The following MYO3B variants were observed in gnomAD, a reference collection of about 807,000 sequenced individuals.
MYO3B encodes myosin-IIIb.
A neutral mutation model predicts 174.6 loss-of-function variants in MYO3B; 156 were observed. The ratio of observed to expected loss-of-function variants is 0.89; its 90% CI spans 0.78 to 1.02. The LOEUF (loss-of-function observed/expected upper bound fraction) is 1.02, where lower values mean the gene tolerates loss of function less well. MYO3B is among the 50% of genes least tolerant of loss of function. The pLI is 0.00. For synonymous variants in MYO3B, 563 were observed against 569.1 expected (o/e 0.99, Z 0.15); for missense variants, 1,632 against 1,639.4 (o/e 1.00, Z 0.08).
At chr2:170,349,506 A>T (rs2094043959) in intron 8 of MYO3B, 1 of 152,162 alleles carries the variant, frequency 6.6e-6, no homozygotes. Flanking sequence ...TCTTAAAATT[A>T]TGCACCTCAT....
Position 170,402,848 on chromosome 2 carries a change from T to C in MYO3B, c.2130T>C (p.Cys710=). The change falls in exon 19 of 35, where the codon TGT becomes TGC. Residue 710 remains cysteine (C), a splice_region_variant and synonymous_variant. Coordinates refer to ENST00000408978, the MANE Select transcript of MYO3B (RefSeq NM_138995.5). ...NTLLQPDENI[C]SAGGGMNVGI... ...AGTTTTGTTCTTCTCTCTCATGCAGTAGTGCAGGAGGTGGAATGAATGTGG... is the reference window on the plus strand; with the variant it reads ...AGTTTTGTTCTTCTCTCTCATGCAGCAGTGCAGGAGGTGGAATGAATGTGG... 6.2e-7 allele frequency: 1 copy of C among 1,604,726 alleles called. No homozygotes were observed. The highest frequency in any genetic ancestry group is 8.5e-7 in the Non-Finnish European group (1 of 1,173,264).
chr2:170,602,301 T>C, intron 32 of MYO3B: 1 of 719,648 alleles, frequency 1.4e-6, no homozygotes, highest in East Asian at 2.4e-5. Flanking sequence ...CCCGGCACTG[T>C]CTCTGTGGAG....
intron 12 of MYO3B, 45 bp downstream of exon 12, chr2:170,383,859 ATGTTG>A: frequency 1.4e-6 from 2 of 1,474,076 alleles, no homozygotes; most frequent in Non-Finnish European, 1.9e-6. Context: ...CAGTTAAGAC[ATGTTG>A]TGTCTTCCTC....
At chr2:170,254,224 T>A (rs968618699) in intron 7 of MYO3B, among the ~76,000 whole-genome samples, 1 of 152,004 alleles carries the variant, frequency 6.6e-6, no homozygotes, top group Non-Finnish European at 1.5e-5. Flanking sequence ...CCTATAGACA[T>A]TTAGATGGGC....
intron 22 of MYO3B, among the ~76,000 whole-genome samples, chr2:170,425,139 AAC>A (rs1366611256): frequency 6.6e-6 from 1 of 152,212 alleles, no homozygotes; most frequent in African/African-American, 2.4e-5. Flanking sequence ...ATACATTAGA[AAC>A]AAAGCCATTC....
chr2:170,640,513 G>A (rs898442202), intron 32 of MYO3B: 3 of 152,138 alleles, frequency 2.0e-5, no homozygotes, highest in Non-Finnish European at 2.9e-5. Flanking sequence ...TGTGGGACAT[G>A]GGCCACTAGT....
intron 3 of MYO3B, among the ~76,000 whole-genome samples, chr2:170,207,190 G>C (rs2092721856): frequency 6.6e-6 from 1 of 152,038 alleles, no homozygotes; most frequent in South Asian, 2.1e-4. Context: ...CCCTCCCAGA[G>C]GGAGCATCCT....
intron 32 of MYO3B, among the ~76,000 whole-genome samples, chr2:170,629,089 T>C (rs1696713289): frequency 6.6e-6 from 1 of 152,232 alleles, no homozygotes; most frequent in Non-Finnish European, 1.5e-5. Flanking sequence ...CTTGTCTGTT[T>C]TTAAACAAAC....
At chr2:170,590,319 ATCTT>A (rs1302964193) in intron 32 of MYO3B, among the ~76,000 whole-genome samples, 3 of 152,152 alleles carry the variant, frequency 2.0e-5, no homozygotes, top group Non-Finnish European at 4.4e-5. Context: ...CAAAAGTTCT[ATCTT>A]AACTTTTCTC....
chr2:170,541,725 A>G (rs186796974), intron 30 of MYO3B, among the ~76,000 whole-genome samples: 16 of 152,238 alleles, frequency 1.1e-4, no homozygotes, highest in Admixed American at 1.0e-3. Context: ...TTTTCTATGT[A>G]CCAGGCACTG....
chr2:170,396,140 T>C (rs2094441069), intron 16 of MYO3B, among the ~76,000 whole-genome samples: 1 of 152,056 alleles, frequency 6.6e-6, no homozygotes, highest in Non-Finnish European at 1.5e-5. Flanking sequence ...CTTTATAATA[T>C]AGAAAGCTGA....
At chr2:170,201,710 C>A (rs528024402) in intron 3 of MYO3B, among the ~76,000 whole-genome samples, 1 of 150,682 alleles carries the variant, frequency 6.6e-6, no homozygotes, top group Admixed American at 6.6e-5. Flanking sequence ...ATTAACTCCC[C>A]CACCCCCACC....
chr2:170,582,779 G>A (rs1197896050), intron 32 of MYO3B, among the ~76,000 whole-genome samples: 1 of 152,052 alleles, frequency 6.6e-6, no homozygotes, highest in African/African-American at 2.4e-5. Flanking sequence ...CTTTTGTTAA[G>A]AAAAAAATCG....
chr2:170,505,539 A>G (rs1687572197), intron 28 of MYO3B, among the ~76,000 whole-genome samples: 1 of 152,206 alleles, frequency 6.6e-6, no homozygotes, highest in South Asian at 2.1e-4. Context: ...TGTTTCAGAA[A>G]TTGGACCTAA....
At chr2:170,264,207 A>G (rs1460137398) in intron 7 of MYO3B, among the ~76,000 whole-genome samples, 2 of 152,224 alleles carry the variant, frequency 1.3e-5, no homozygotes, top group African/African-American at 2.4e-5. Context: ...ACTTCTGTCT[A>G]CATAGACACA....
At chr2:170,649,765 T>A (rs1224796547) in intron 32 of MYO3B, among the ~76,000 whole-genome samples, 21 of 142,690 alleles carry the variant, frequency 1.5e-4, no homozygotes, top group African/African-American at 5.5e-4. Context: ...AGGTAGAAAT[T>A]GCAGTGAGCC....
chr2:170,586,606 C>A (rs1203405468), intron 32 of MYO3B, among the ~76,000 whole-genome samples: 1 of 151,974 alleles, frequency 6.6e-6, no homozygotes, highest in Non-Finnish European at 1.5e-5. Context: ...GATACATGAC[C>A]CAAAGAAATG....
At chr2:170,415,216 G>A (rs1049667727) in intron 22 of MYO3B, among the ~76,000 whole-genome samples, 1 of 152,298 alleles carries the variant, frequency 6.6e-6, no homozygotes, top group Non-Finnish European at 1.5e-5. Flanking sequence ...TGGGTTTTAT[G>A]TAGGTGCCTT....
intron 30 of MYO3B, among the ~76,000 whole-genome samples, chr2:170,533,005 TAAATC>T (rs1025342014): frequency 2.0e-5 from 3 of 152,138 alleles, no homozygotes; most frequent in Non-Finnish European, 4.4e-5. Context: ...TTAATATAAT[TAAATC>T]AAAATAAAAA....
Sources: gnomAD v4.1 joint callset for allele counts (sites outside exome capture counted in the v4.1 genomes callset) on GRCh38, gnomAD v4.1.1 for gene constraint, MANE v1.5 for transcripts, NCBI Gene and HGNC (gene_info 2026-07-23, HGNC 2026-07-21) for gene names.